Variants in RERE observed in about 807,000 individuals in gnomAD.
RERE encodes arginine-glutamic acid dipeptide repeats.
In RERE, 40 loss-of-function variants were observed where a neutral mutation model predicts 146.1. That is an observed-to-expected ratio of 0.27 (90% CI 0.21 to 0.36). RERE has a LOEUF of 0.36. RERE is among the 10% of genes least tolerant of loss of function. The probability of loss-of-function intolerance (pLI) is 1.00; values close to 1 mark genes in which losing one functional copy is unlikely to be tolerated. For synonymous variants in RERE, 1,003 were observed against 866.0 expected (o/e 1.16, Z -2.78); for missense variants, 1,933 against 2,138.7 (o/e 0.90, Z 1.90).
intron 1 of RERE, among the ~76,000 whole-genome samples, chr1:8,767,222 G>C (rs532285673): frequency 1.3e-5 from 2 of 152,172 alleles, no homozygotes; most frequent in African/African-American, 4.8e-5. Flanking sequence ...CTCTGGAAAT[G>C]AGGTCATCAA....
chr1:8,697,389 CA>C (rs1463606269), intron 1 of RERE, among the ~76,000 whole-genome samples: 1 of 132,436 alleles, frequency 7.6e-6, no homozygotes, highest in African/African-American at 2.8e-5. Flanking sequence ...ACACCCCCCC[CA>C]CACAACTTTT....
chr1:8,431,605 G>C (rs1182531186), intron 11 of RERE, among the ~76,000 whole-genome samples: 1 of 152,094 alleles, frequency 6.6e-6, no homozygotes, highest in African/African-American at 2.4e-5. Context: ...CCACAAAGCT[G>C]GTCCCTGGTT....
chr1:8,606,866 AC>A (rs1473486229), intron 4 of RERE, among the ~76,000 whole-genome samples: 2 of 152,248 alleles, frequency 1.3e-5, no homozygotes, highest in African/African-American at 4.8e-5. Flanking sequence ...AGTACCTGAT[AC>A]GATCTAATCG....
rs1281528575 is a variant in RERE at position 8,392,404 on chromosome 1, C to A, written c.1285-26430G>T. 2.0e-5 allele frequency among the ~76,000 whole-genome samples: 3 copies of A among 152,212 alleles called. No individual in the cohort carries two copies. In the East Asian group the frequency reaches 5.8e-4, roughly 29 times the overall value. On this transcript the variant is annotated intron_variant, in intron 12 of 22. Coordinates refer to ENST00000400908, the MANE Select transcript of RERE (RefSeq NM_001042681.2). ...TTTACCTAACCTGGAAAATGAATAT[C>A]TCTATCTATATATCTCTCTGTCTAT...
rs201451095 is a variant in RERE, at chr1:8,733,188, AGAGT to A, written c.-144-76751_-144-76748del. ...TATTTAAAAAAAAAGAGAGAGAGAG[AGAGT>A]GAGTGTTGGGAGTCACTCCTCGATC... On this transcript the variant is annotated intron_variant, in intron 1 of 22. Transcript: ENST00000400908. Among the ~76,000 whole-genome samples the A allele has an allele frequency of 4.7e-3, 710 of 152,234 alleles. 7 individuals are homozygous for A. The highest frequency in any genetic ancestry group is 0.016 in the African/African-American group (674 of 41,540).
At chr1:8,723,755 A>C (rs1639905998) in intron 1 of RERE, among the ~76,000 whole-genome samples, 1 of 152,258 alleles carries the variant, frequency 6.6e-6, no homozygotes, top group Non-Finnish European at 1.5e-5. Context: ...GCAGAAGAAA[A>C]GTAACCACTA....
At chr1:8,624,178 C>A (rs1206627937) in intron 3 of RERE, 132 bp downstream of exon 3, 7 of 691,518 alleles carry the variant, frequency 1.0e-5, no homozygotes, top group African/African-American at 9.0e-5. Flanking sequence ...GCTACTGCCA[C>A]GAGGCAGTTA....
intron 12 of RERE, among the ~76,000 whole-genome samples, chr1:8,370,515 A>G (rs977517923): frequency 9.8e-5 from 15 of 152,350 alleles, no homozygotes; most frequent in African/African-American, 3.4e-4. Context: ...ACGTCAATAA[A>G]GCTGAAGAAA....
intron 11 of RERE, among the ~76,000 whole-genome samples, chr1:8,432,254 T>C (rs748886791): frequency 2.6e-5 from 4 of 152,158 alleles, no homozygotes; most frequent in Non-Finnish European, 4.4e-5. Context: ...CAGTACCCCA[T>C]CCTGATTCCT....
rs151322029 is a variant in RERE, at chr1:8,539,084, G to C, written c.830+2130C>G. The stretch of plus-strand genomic sequence containing the variant: ...AAACCTGAGAGTTGAAGAGTTAAAA[G>C]ACAAAAGCTACTTTAGTTAATTAAT... On this transcript the variant is annotated intron_variant, in intron 7 of 22. Coordinates refer to ENST00000400908, the MANE Select transcript of RERE (RefSeq NM_001042681.2). Among the ~76,000 whole-genome samples the C allele has an allele frequency of 1.6e-4, 25 of 152,264 alleles. No individual in the cohort carries two copies. In the East Asian group the frequency reaches 4.8e-3, roughly 29 times the overall value.
chr1:8,359,830 CCGCTCT>C lies in RERE; in HGVS notation c.3546_3551del (p.Arg1184_Glu1185del), dbSNP rs757311329. 3.1e-6 allele frequency: 5 copies of C among 1,609,014 alleles called. No homozygotes were observed. Among genetic ancestry groups the C allele is most frequent in the Admixed American group, 3.3e-5 (2 of 60,010 alleles). ...CCCGCTCCTTCTCCTTCTCCTTCTC[CCGCTCT>C]CGCTCCTCTCGGGCTTTCTGCTCAG... On this transcript the variant is annotated inframe_deletion, in exon 19 of 23. Transcript: ENST00000400908.
chr1:8,593,992 A>G (rs1646525590), intron 4 of RERE, among the ~76,000 whole-genome samples: 1 of 152,192 alleles, frequency 6.6e-6, no homozygotes, highest in Non-Finnish European at 1.5e-5. Context: ...ATATGAGAAC[A>G]TAGATGTTTA....
chr1:8,559,938 C>T (rs563383395), intron 4 of RERE, among the ~76,000 whole-genome samples: 2 of 152,202 alleles, frequency 1.3e-5, no homozygotes, highest in African/African-American at 4.8e-5. Context: ...GGATATACCA[C>T]CTCAAAATAT....
At chr1:8,766,657 T>C (rs1640854855) in intron 1 of RERE, among the ~76,000 whole-genome samples, 1 of 152,004 alleles carries the variant, frequency 6.6e-6, no homozygotes, top group Admixed American at 6.6e-5. Context: ...AAACAATACT[T>C]GATTCTATAT....
At chr1:8,382,983 C>T (rs1435143345) in intron 12 of RERE, among the ~76,000 whole-genome samples, 5 of 147,330 alleles carry the variant, frequency 3.4e-5, no homozygotes, top group African/African-American at 5.1e-5. Flanking sequence ...ACTAAGTTCA[C>T]CTTAAAGGAC....
intron 1 of RERE, among the ~76,000 whole-genome samples, chr1:8,776,101 C>T (rs900286473): frequency 6.6e-6 from 1 of 152,152 alleles, no homozygotes; most frequent in African/African-American, 2.4e-5. Context: ...ATTAGTACAT[C>T]GCTTCCATAC....
chr1:8,595,452 ATTTT>A (rs1646544141), intron 4 of RERE, among the ~76,000 whole-genome samples: 1 of 151,658 alleles, frequency 6.6e-6, no homozygotes, highest in Non-Finnish European at 1.5e-5. Flanking sequence ...ACTTTAATGT[ATTTT>A]ATTATTAATG....
chr1:8,638,992 C>T, intron 2 of RERE, among the ~76,000 whole-genome samples: 1 of 151,926 alleles, frequency 6.6e-6, no homozygotes, highest in Admixed American at 6.6e-5. Context: ...CCAGGATGGT[C>T]TCGATCTCCT....
chr1:8,758,672 A>G (rs945769128), intron 1 of RERE, among the ~76,000 whole-genome samples: 1 of 152,060 alleles, frequency 6.6e-6, no homozygotes, highest in African/African-American at 2.4e-5. Flanking sequence ...AAGTAGAAGC[A>G]AAGAGTAGAA....
Sources: allele counts gnomAD v4.1 joint callset (sites outside exome capture counted in the v4.1 genomes callset), GRCh38; gene constraint gnomAD v4.1.1; transcripts MANE v1.5; gene names NCBI Gene and HGNC (gene_info 2026-07-23, HGNC 2026-07-21).